The following MACROD2 variants were observed in gnomAD, a reference collection of about 807,000 sequenced individuals.
The protein encoded by MACROD2 is ADP-ribose glycohydrolase MACROD2.
In MACROD2, 36 loss-of-function variants were observed where a neutral mutation model predicts 70.4. The observed-to-expected ratio is 0.51, with a 90% CI of 0.39 to 0.68. The LOEUF is 0.68. MACROD2 is among the 30% of genes least tolerant of loss of function. The pLI is 0.00. For synonymous variants in MACROD2, 172 were observed against 178.8 expected (o/e 0.96, Z 0.30); for missense variants, 496 against 538.4 (o/e 0.92, Z 0.78).
At chr20:15,403,325 A>T (rs920570599) in intron 6 of MACROD2, among the ~76,000 whole-genome samples, 1 of 152,080 alleles carries the variant, frequency 6.6e-6, no homozygotes, top group Middle Eastern at 3.4e-3. Flanking sequence ...ATTTGTTCTA[A>T]TATTTTCTAT....
chr20:15,667,348 C>A (rs900928231), intron 8 of MACROD2, among the ~76,000 whole-genome samples: 1 of 152,190 alleles, frequency 6.6e-6, no homozygotes, highest in Non-Finnish European at 1.5e-5. Context: ...CAAGTGATGT[C>A]GCTGCTAGGC....
rs556966081 is a variant in MACROD2 at position 15,739,818 on chromosome 20, G to A, written c.646-122927G>A. On this transcript the variant is annotated intron_variant, in intron 8 of 17. Transcript: ENST00000684519. ...AGGGAAATGCAAAAACATTTTGGAG[G>A]AAGTTAAATACAGGCTTGGAAATGC... Among the ~76,000 whole-genome samples the A allele has an allele frequency of 9.8e-5, 15 of 152,334 alleles. No homozygotes were observed. In the East Asian group the frequency reaches 2.1e-3, roughly 22 times the overall value.
At chr20:15,005,965 T>C (rs1257353481) in intron 5 of MACROD2, among the ~76,000 whole-genome samples, 1 of 152,184 alleles carries the variant, frequency 6.6e-6, no homozygotes, top group Non-Finnish European at 1.5e-5. Flanking sequence ...ATATAAACTT[T>C]TGTAATATAT....
chr20:14,805,942 G>A (rs1258603888), intron 5 of MACROD2, among the ~76,000 whole-genome samples: 1 of 151,980 alleles, frequency 6.6e-6, no homozygotes, highest in African/African-American at 2.4e-5. Flanking sequence ...CACATAATCT[G>A]GCATCTCTTT....
At chr20:14,409,239 G>C (rs1191988370) in intron 3 of MACROD2, among the ~76,000 whole-genome samples, 1 of 150,484 alleles carries the variant, frequency 6.6e-6, no homozygotes, top group Non-Finnish European at 1.5e-5. Context: ...AGAAATGCTG[G>C]ATCCCCCTGC....
At chr20:15,742,161 G>C (rs747606251) in intron 8 of MACROD2, among the ~76,000 whole-genome samples, 3 of 152,088 alleles carry the variant, frequency 2.0e-5, no homozygotes, top group Non-Finnish European at 2.9e-5. Context: ...TTCAAATTGT[G>C]TCTGAAAACT....
intron 15 of MACROD2, among the ~76,000 whole-genome samples, chr20:16,033,616 C>A (rs757147581): frequency 3.3e-5 from 5 of 151,972 alleles, no homozygotes; most frequent in Non-Finnish European, 7.4e-5. Flanking sequence ...GTCTTTCAAT[C>A]CTCCAGTTTT....
intron 6 of MACROD2, among the ~76,000 whole-genome samples, chr20:15,258,518 C>T (rs567127913): frequency 6.6e-6 from 1 of 152,086 alleles, no homozygotes; most frequent in East Asian, 1.9e-4. Context: ...AGGAAAGTAA[C>T]ATGCTGTTCA....
At chr20:15,983,900 G>A (rs925006897) in intron 13 of MACROD2, among the ~76,000 whole-genome samples, 1 of 152,128 alleles carries the variant, frequency 6.6e-6, no homozygotes, top group South Asian at 2.1e-4. Flanking sequence ...TAAAATGAAT[G>A]TTTCCTTTAA....
At chr20:16,038,124 T>C (rs2067259322) in intron 15 of MACROD2, among the ~76,000 whole-genome samples, 1 of 151,660 alleles carries the variant, frequency 6.6e-6, no homozygotes, top group Non-Finnish European at 1.5e-5. Flanking sequence ...TATCTATAAG[T>C]TTTATTGTTA....
At chr20:14,791,811 AT>A (rs1568798214) in intron 5 of MACROD2, among the ~76,000 whole-genome samples, 1 of 151,806 alleles carries the variant, frequency 6.6e-6, no homozygotes, top group African/African-American at 2.4e-5. Context: ...ATACACTCCT[AT>A]TTTGTTAATA....
chr20:15,050,745 G>T (rs1198224469), intron 5 of MACROD2, among the ~76,000 whole-genome samples: 1 of 150,210 alleles, frequency 6.7e-6, no homozygotes, highest in Non-Finnish European at 1.5e-5. Flanking sequence ...TTTAAGCCTA[G>T]GTTGCTTTAA....
intron 5 of MACROD2, among the ~76,000 whole-genome samples, chr20:15,150,821 G>A (rs2076263996): frequency 6.6e-6 from 1 of 151,946 alleles, no homozygotes; most frequent in South Asian, 2.1e-4. Context: ...CTGAGCAGGT[G>A]GGGATAACTA....
At chr20:14,532,651 C>G (rs1021790150) in intron 4 of MACROD2, among the ~76,000 whole-genome samples, 8 of 152,186 alleles carry the variant, frequency 5.3e-5, no homozygotes, top group South Asian at 2.1e-4. Flanking sequence ...TTTCTCCCCC[C>G]TCTTGGTTAA....
chr20:14,897,257 T>C (rs1354651997), intron 5 of MACROD2, among the ~76,000 whole-genome samples: 2 of 152,088 alleles, frequency 1.3e-5, no homozygotes, highest in Non-Finnish European at 2.9e-5. Context: ...TGGCATTCTC[T>C]TTGAAGGTGG....
At position 14,423,547 on chromosome 20, in the gene MACROD2, A is replaced by C. The variant is rs975708486; in HGVS notation, c.272-69932A>C. On this transcript the variant is annotated intron_variant, in intron 3 of 17. Transcript: ENST00000684519. ...ACCCCGGCTTTACTAAAAATACAAA[A>C]AAATTAACCGCGCATGGTGGCGGGC... Among the ~76,000 whole-genome samples, 39 of 151,508 alleles carry C rather than the reference A, an allele frequency of 2.6e-4. 1 individual carries two copies. The highest frequency in any genetic ancestry group is 1.6e-3 in the Admixed American group (25 of 15,230).
chr20:15,947,399 C>G (rs1406045256), intron 12 of MACROD2, among the ~76,000 whole-genome samples: 2 of 151,648 alleles, frequency 1.3e-5, no homozygotes, highest in Non-Finnish European at 2.9e-5. Context: ...TTTATTGAGA[C>G]TGGAGAATGG....
chr20:14,143,021 T>A (rs2054897834), intron 3 of MACROD2, among the ~76,000 whole-genome samples: 1 of 152,222 alleles, frequency 6.6e-6, no homozygotes, highest in Non-Finnish European at 1.5e-5. Flanking sequence ...TTGCTTTGTA[T>A]AATTAAGAAA....
intron 5 of MACROD2, among the ~76,000 whole-genome samples, chr20:14,864,894 G>A (rs2073411661): frequency 6.6e-6 from 1 of 152,110 alleles, no homozygotes; most frequent in Non-Finnish European, 1.5e-5. Flanking sequence ...CAAGGGCTTA[G>A]GGTATATAGG....
Sources: allele counts gnomAD v4.1 joint callset (sites outside exome capture counted in the v4.1 genomes callset), GRCh38; gene constraint gnomAD v4.1.1; transcripts MANE v1.5; gene names NCBI Gene and HGNC (gene_info 2026-07-23, HGNC 2026-07-21).